PIK3R1: variants seen among roughly 807,000 people sequenced by gnomAD.
PIK3R1 encodes the protein phosphatidylinositol 3-kinase regulatory subunit alpha.
In PIK3R1, 29 loss-of-function variants were observed where a neutral mutation model predicts 98.0. The ratio of observed to expected loss-of-function variants is 0.30; its 90% confidence interval spans 0.22 to 0.40. The LOEUF is 0.40. Ranked by LOEUF, PIK3R1 falls within the 10% of genes least tolerant of loss-of-function variation. The pLI, the probability that PIK3R1 is intolerant of heterozygous loss-of-function variation, is 1.00. For missense variants in PIK3R1, 596 were observed against 872.7 expected, an observed-to-expected ratio of 0.68 and a Z score of 3.99; for synonymous variants, 282 against 311.8, an observed-to-expected ratio of 0.90 and a Z score of 1.01.
intron 7 of PIK3R1, among the ~76,000 whole-genome samples, chr5:68,285,418 T>C (rs1747036527): frequency 6.6e-6 from 1 of 152,234 alleles, no homozygotes; most frequent in Non-Finnish European, 1.5e-5. Context: ...TACTTGTCTC[T>C]GATTTAATTT....
At chr5:68,286,769 C>G (rs1209059197) in intron 7 of PIK3R1, among the ~76,000 whole-genome samples, 1 of 152,192 alleles carries the variant, frequency 6.6e-6, no homozygotes, top group Non-Finnish European at 1.5e-5. Flanking sequence ...CTTAACAGAG[C>G]ATTTTAATCT....
chr5:68,290,339 G>T (rs898019232), intron 7 of PIK3R1, among the ~76,000 whole-genome samples: 1 of 152,230 alleles, frequency 6.6e-6, no homozygotes, highest in African/African-American at 2.4e-5. Flanking sequence ...GGGGAGAAAA[G>T]CTCGGAGCTG....
intron 2 of PIK3R1, among the ~76,000 whole-genome samples, chr5:68,262,319 C>T (rs907689261): frequency 6.0e-5 from 9 of 150,722 alleles, no homozygotes; most frequent in African/African-American, 1.9e-4. Flanking sequence ...AATATCACCT[C>T]TCTGTATCTG....
At chr5:68,238,202 G>C (rs563169180) in intron 2 of PIK3R1, among the ~76,000 whole-genome samples, 52 of 152,302 alleles carry the variant, frequency 3.4e-4, no homozygotes, top group African/African-American at 1.3e-3. Context: ...ATGTTGAAAT[G>C]AAAACCACCT....
intron 15 of PIK3R1, among the ~76,000 whole-genome samples, chr5:68,297,199 T>C (rs1166065523): frequency 2.0e-5 from 3 of 152,226 alleles, no homozygotes; most frequent in Non-Finnish European, 4.4e-5. Context: ...ATTTTACTAT[T>C]GTCTTCCCTT....
chr5:68,227,280 A>G (rs1163414006), intron 2 of PIK3R1, among the ~76,000 whole-genome samples: 1 of 152,230 alleles, frequency 6.6e-6, no homozygotes, highest in Non-Finnish European at 1.5e-5. Flanking sequence ...TTGTCATTGA[A>G]TTAAACATCT....
chr5:68,280,435 A>C, intron 5 of PIK3R1, 93 bp from the exon 6 acceptor site: 3 of 862,160 alleles, frequency 3.5e-6, no homozygotes, highest in Non-Finnish European at 5.5e-6. Flanking sequence ...CTATAGCTTG[A>C]AGAAAGAGCA....
At chr5:68,260,145 G>A (rs1025386848) in intron 2 of PIK3R1, among the ~76,000 whole-genome samples, 4 of 152,036 alleles carry the variant, frequency 2.6e-5, no homozygotes, top group Admixed American at 1.3e-4. Flanking sequence ...AAATACTAAG[G>A]GCAGCTTTTA....
At chr5:68,244,247 A>G (rs372351724) in intron 2 of PIK3R1, among the ~76,000 whole-genome samples, 3 of 152,298 alleles carry the variant, frequency 2.0e-5, no homozygotes, top group African/African-American at 2.4e-5. Context: ...GCGTATTTGC[A>G]TAGGTACAGG....
At chr5:68,230,338 G>C (rs1041726605) in intron 2 of PIK3R1, among the ~76,000 whole-genome samples, 16 of 152,304 alleles carry the variant, frequency 1.1e-4, no homozygotes, top group Admixed American at 7.2e-4. Context: ...AGATCTTTGT[G>C]GTCCCCCATT....
intron 1 of PIK3R1, among the ~76,000 whole-genome samples, chr5:68,219,275 A>G (rs1314223677): frequency 2.0e-5 from 3 of 152,222 alleles, no homozygotes; most frequent in Non-Finnish European, 4.4e-5. Flanking sequence ...TAAATCAAAT[A>G]CATATCCACA....
chr5:68,269,202 A>T (rs1365127065), intron 2 of PIK3R1, among the ~76,000 whole-genome samples: 2 of 152,284 alleles, frequency 1.3e-5, no homozygotes, highest in Non-Finnish European at 2.9e-5. Flanking sequence ...GATTTCTTTC[A>T]ATGAAAAATG....
At chr5:68,249,756 C>G (rs34302) in intron 2 of PIK3R1, among the ~76,000 whole-genome samples, 2 of 152,138 alleles carry the variant, frequency 1.3e-5, no homozygotes, top group African/African-American at 4.8e-5. Flanking sequence ...TTGAAAGGGG[C>G]CTGCTTGTGG....
intron 2 of PIK3R1, among the ~76,000 whole-genome samples, chr5:68,228,876 T>G (rs1744376369): frequency 6.6e-6 from 1 of 152,246 alleles, no homozygotes; most frequent in African/African-American, 2.4e-5. Flanking sequence ...AAAGCAAGTC[T>G]TTCCTTATAG....
At chr5:68,231,017 C>A (rs1744450397) in intron 2 of PIK3R1, among the ~76,000 whole-genome samples, 1 of 152,184 alleles carries the variant, frequency 6.6e-6, no homozygotes, top group Admixed American at 6.5e-5. Flanking sequence ...GCTACACCAA[C>A]CCCATTCAGC....
At position 68,297,667 on chromosome 5, in the gene PIK3R1, T is replaced by C; in HGVS notation, c.*66T>C. ...CTGAGGCCTCTGGAAAGCAAAGGGC[T>C]CCTCTCCAGTCTGATCTGTGAATTG... On this transcript the variant is annotated 3_prime_UTR_variant, in exon 16 of 16. Coordinates refer to ENST00000521381, the MANE Select transcript of PIK3R1 (RefSeq NM_181523.3). 7.7e-7 allele frequency: 1 copy of C among 1,291,640 alleles called. No individual in the cohort carries two copies. Among genetic ancestry groups the C allele is most frequent in the Non-Finnish European group, 1.1e-6 (1 of 907,686 alleles). 80.0% of individuals were successfully genotyped at this position (1,291,640 alleles called of 1,614,324 possible). A position where few individuals can be genotyped will look rare whatever the true frequency, so the allele number is the denominator to read the frequency against.
intron 1 of PIK3R1, among the ~76,000 whole-genome samples, chr5:68,222,056 A>G (rs1319415329): frequency 2.6e-5 from 4 of 152,248 alleles, no homozygotes; most frequent in African/African-American, 9.6e-5. Context: ...TTATTTGAAA[A>G]TATTACATTG....
chr5:68,249,559 AT>A (rs1281085830), intron 2 of PIK3R1, among the ~76,000 whole-genome samples: 2 of 152,224 alleles, frequency 1.3e-5, no homozygotes, highest in African/African-American at 4.8e-5. Flanking sequence ...CATATTGGGC[AT>A]TGGACTTCTT....
chr5:68,248,719 G>C (rs572340000), intron 2 of PIK3R1, among the ~76,000 whole-genome samples: 64 of 152,194 alleles, frequency 4.2e-4, no homozygotes, highest in African/African-American at 1.4e-3. Flanking sequence ...TAAAGAAAGA[G>C]GTCATACAAG....
Sources: allele counts gnomAD v4.1 joint callset (sites outside exome capture counted in the v4.1 genomes callset), GRCh38; gene constraint gnomAD v4.1.1; transcripts MANE v1.5; gene names NCBI Gene and HGNC (gene_info 2026-07-23, HGNC 2026-07-21).